SLC68A1: variants seen among roughly 807,000 people sequenced by gnomAD.
SLC68A1 encodes major facilitator superfamily domain containing 13A.
chr10:102,470,748 C>T, the SLC68A1 span: 54 of 1,613,728 alleles, frequency 3.3e-5, no homozygotes, highest in East Asian at 2.5e-4. Context: ...CTGGCGCTGT[C>T]GTTCCTGGCG....
At chr10:102,471,181 TGGGTCCC>T in the SLC68A1 span, 1 of 386,748 alleles carries the variant, frequency 2.6e-6, no homozygotes, top group Non-Finnish European at 4.0e-6. Context: ...ATTTCGGTGC[TGGGTCCC>T]CGGCTGATGG....
chr10:102,462,537 C>A, the SLC68A1 span, among the ~76,000 whole-genome samples: 1 of 152,192 alleles, frequency 6.6e-6, no homozygotes, highest in Non-Finnish European at 1.5e-5. Flanking sequence ...CAACCTCCCC[C>A]ACCCACCATA....
chr10:102,470,519 G>A, the SLC68A1 span: 3 of 1,317,774 alleles, frequency 2.3e-6, no homozygotes, highest in Non-Finnish European at 3.1e-6. Context: ...CTAAGTTGCA[G>A]ACTGGGGACT....
chr10:102,476,000 C>T, the SLC68A1 span: 1 of 1,559,330 alleles, frequency 6.4e-7, no homozygotes, highest in Admixed American at 1.8e-5. Flanking sequence ...GTGGCAAGGT[C>T]ACCCCACTGA....
At chr10:102,465,207 C>G in the SLC68A1 span, among the ~76,000 whole-genome samples, 5 of 148,204 alleles carry the variant, frequency 3.4e-5, no homozygotes, top group African/African-American at 5.0e-5. Flanking sequence ...TGCAGTGAGC[C>G]TAGATTGCGC....
the SLC68A1 span, chr10:102,472,810 C>G: frequency 6.7e-7 from 1 of 1,494,138 alleles, no homozygotes; most frequent in Non-Finnish European, 9.3e-7. Flanking sequence ...CTTGTCAGCT[C>G]TCCTCCCACT....
the SLC68A1 span, chr10:102,469,876 G>A: frequency 6.8e-7 from 1 of 1,461,632 alleles, no homozygotes; most frequent in South Asian, 1.4e-5. Context: ...ACCAGCAAAG[G>A]TTTGCAGGTA....
chr10:102,471,341 G>T, the SLC68A1 span: 6 of 1,613,728 alleles, frequency 3.7e-6, no homozygotes, highest in African/African-American at 8.0e-5. Context: ...CGGTATCTCC[G>T]GCAGCTGGCA....
chr10:102,473,806 C>T, the SLC68A1 span: 2 of 1,608,098 alleles, frequency 1.2e-6, no homozygotes, highest in Non-Finnish European at 1.7e-6. Flanking sequence ...CCTGCTCTCT[C>T]CCTCTACTGC....
the SLC68A1 span, among the ~76,000 whole-genome samples, chr10:102,474,940 G>A: frequency 2.7e-5 from 4 of 149,964 alleles, no homozygotes; most frequent in African/African-American, 7.3e-5. Flanking sequence ...GAGCCACCAC[G>A]CCCGGCCAGG....
At chr10:102,471,375 C>G in the SLC68A1 span, 1 of 1,613,164 alleles carries the variant, frequency 6.2e-7, no homozygotes, top group Non-Finnish European at 8.5e-7. Flanking sequence ...TCCTGTGGTT[C>G]GTGAGCATGG....
chr10:102,476,240 G>C, the SLC68A1 span: 8 of 474,068 alleles, frequency 1.7e-5, no homozygotes, highest in Admixed American at 1.4e-4. Flanking sequence ...GCTACTTTTT[G>C]TATTTTTAGT....
At chr10:102,473,495 G>A in the SLC68A1 span, 40 of 1,439,826 alleles carry the variant, frequency 2.8e-5, no homozygotes, top group South Asian at 2.4e-4. Context: ...GAATGCAGTC[G>A]GCTGTGAAGC....
chr10:102,476,696 A>G, the SLC68A1 span: 3 of 986,206 alleles, frequency 3.0e-6, no homozygotes, highest in Non-Finnish European at 2.4e-6. Flanking sequence ...GTAAGGCAGG[A>G]GGACAGAAGA....
At chr10:102,472,934 G>C in the SLC68A1 span, 1 of 1,613,792 alleles carries the variant, frequency 6.2e-7, no homozygotes, top group South Asian at 1.1e-5. Flanking sequence ...CCCTTTCCAC[G>C]GGCTCCATCC....
chr10:102,476,165 T>C, the SLC68A1 span: 1 of 1,124,888 alleles, frequency 8.9e-7, no homozygotes, highest in East Asian at 3.0e-5. Context: ...CCACCCAGGT[T>C]CAAGCAATTA....
At chr10:102,464,205 C>T in the SLC68A1 span, among the ~76,000 whole-genome samples, 2 of 152,318 alleles carry the variant, frequency 1.3e-5, no homozygotes, top group Middle Eastern at 3.4e-3. Context: ...TGAGCCAGCA[C>T]TTCAGGAGGC....
At chr10:102,471,138 C>G in the SLC68A1 span, 1 of 1,606,944 alleles carries the variant, frequency 6.2e-7, no homozygotes, top group African/African-American at 1.3e-5. Flanking sequence ...AGCCCCGGCT[C>G]TTCAGGTCCT....
At chr10:102,470,396 C>T in the SLC68A1 span, among the ~76,000 whole-genome samples, 1 of 152,166 alleles carries the variant, frequency 6.6e-6, no homozygotes, top group African/African-American at 2.4e-5. Context: ...GTCATCACCC[C>T]CAACCTTGAG....
Sources: gnomAD v4.1 joint callset for allele counts (sites outside exome capture counted in the v4.1 genomes callset) on GRCh38, gnomAD v4.1.1 for gene constraint, MANE v1.5 for transcripts, NCBI Gene and HGNC (gene_info 2026-07-23, HGNC 2026-07-21) for gene names.